The following CSMD1 variants were observed in gnomAD, a reference collection of about 807,000 sequenced individuals.
The protein encoded by CSMD1 is CUB and Sushi multiple domains 1, also known as CUB and sushi domain-containing protein 1.
CSMD1 carries 213 observed loss-of-function variants against 417.5 expected under a neutral mutation model. The ratio of observed to expected loss-of-function variants is 0.51; its 90% CI spans 0.46 to 0.57. The LOEUF (loss-of-function observed/expected upper bound fraction) is 0.57, where lower values mean the gene tolerates loss of function less well. Among genes scored for constraint, CSMD1 ranks in the 20% least tolerant of loss-of-function variants. The probability of loss-of-function intolerance (pLI) is 0.00; values close to 1 mark genes in which losing one functional copy is unlikely to be tolerated. For missense variants in CSMD1, 6,923 were observed against 4,529.7 expected, an observed-to-expected ratio of 1.53 and a Z score of -15.17; for synonymous variants, 2,862 against 1,736.8, an observed-to-expected ratio of 1.65 and a Z score of -16.11.
At chr8:4,085,194 G>A (rs1005747580) in intron 3 of CSMD1, among the ~76,000 whole-genome samples, 1 of 152,146 alleles carries the variant, frequency 6.6e-6, no homozygotes, top group African/African-American at 2.4e-5. Flanking sequence ...CACAGTGCCT[G>A]CAACTTCAGC....
At chr8:3,652,383 C>G (rs1353529545) in intron 7 of CSMD1, among the ~76,000 whole-genome samples, 1 of 152,224 alleles carries the variant, frequency 6.6e-6, no homozygotes, top group Non-Finnish European at 1.5e-5. Flanking sequence ...GAGCGCTTAG[C>G]ACCATCACAA....
At chr8:4,292,340 C>T (rs566034009) in intron 3 of CSMD1, among the ~76,000 whole-genome samples, 26 of 152,238 alleles carry the variant, frequency 1.7e-4, no homozygotes, top group Middle Eastern at 3.4e-3. Context: ...GCAACCTCTG[C>T]CTCCGGGGTT....
At chr8:4,260,189 T>C (rs1803776743) in intron 3 of CSMD1, among the ~76,000 whole-genome samples, 1 of 152,212 alleles carries the variant, frequency 6.6e-6, no homozygotes, top group South Asian at 2.1e-4. Context: ...TATTGATTAT[T>C]ATCAGGTGTT....
At chr8:3,853,243 C>G (rs1198927778) in intron 5 of CSMD1, among the ~76,000 whole-genome samples, 1 of 152,144 alleles carries the variant, frequency 6.6e-6, no homozygotes, top group East Asian at 1.9e-4. Context: ...TTTGGGGATT[C>G]ATTCCTGAGG....
At chr8:4,431,589 A>T (rs1014670211) in intron 2 of CSMD1, among the ~76,000 whole-genome samples, 5 of 152,156 alleles carry the variant, frequency 3.3e-5, no homozygotes, top group African/African-American at 9.7e-5. Flanking sequence ...CTCTGAGGCT[A>T]CCTCTTTGTG....
At chr8:4,075,400 GTTA>G (rs1199872188) in intron 3 of CSMD1, among the ~76,000 whole-genome samples, 1 of 151,966 alleles carries the variant, frequency 6.6e-6, no homozygotes, top group Non-Finnish European at 1.5e-5. Context: ...AAACTCAAAT[GTTA>G]TTTTTAATAT....
At position 4,137,205 on chromosome 8, in the gene CSMD1, A is replaced by G. The variant is rs535658538; in HGVS notation, c.416-105106T>C. Among the ~76,000 whole-genome samples the G allele has an allele frequency of 3.3e-5, 5 of 152,216 alleles. 1 individual carries two copies. The South Asian group carries it at 1.0e-3, about 31-fold the overall frequency. The stretch of plus-strand genomic sequence containing the variant: ...ATAGCATTAGCCTCATCTTGCCTGG[A>G]AACAGTTGCCTTTAATTAATTCTCC... On this transcript the variant is annotated intron_variant, in intron 3 of 69. Coordinates refer to ENST00000635120, the MANE Select transcript of CSMD1 (RefSeq NM_033225.6).
At chr8:3,762,544 G>C (rs564963785) in intron 5 of CSMD1, among the ~76,000 whole-genome samples, 63 of 152,352 alleles carry the variant, frequency 4.1e-4, no homozygotes, top group African/African-American at 1.4e-3. Context: ...CGAGTCTGTA[G>C]CACAGGCGTG....
intron 37 of CSMD1, among the ~76,000 whole-genome samples, chr8:3,171,487 AATG>A (rs569032917): frequency 2.6e-5 from 4 of 152,306 alleles, no homozygotes; most frequent in South Asian, 4.1e-4. Flanking sequence ...GGTTTTCATA[AATG>A]ATGAGTTGGT....
intron 7 of CSMD1, among the ~76,000 whole-genome samples, chr8:3,630,792 C>T (rs1796747252): frequency 6.6e-6 from 1 of 152,176 alleles, no homozygotes; most frequent in Non-Finnish European, 1.5e-5. Context: ...AATAGAAGAA[C>T]ACATCACGAT....
At chr8:3,301,590 A>G (rs1286115248) in intron 25 of CSMD1, among the ~76,000 whole-genome samples, 1 of 152,194 alleles carries the variant, frequency 6.6e-6, no homozygotes, top group Non-Finnish European at 1.5e-5. Flanking sequence ...GAAACTCAAG[A>G]CAGTGTGTGT....
At chr8:4,677,565 T>A (rs1805774956) in intron 1 of CSMD1, among the ~76,000 whole-genome samples, 3 of 152,216 alleles carry the variant, frequency 2.0e-5, no homozygotes, top group Admixed American at 2.0e-4. Context: ...ATACTCACTT[T>A]GATGCTTTCA....
rs1025449743 is a variant in CSMD1 at position 3,461,796 on chromosome 8, G to A, written c.1561+6916C>T. On this transcript the variant is annotated intron_variant, in intron 12 of 69. Transcript: ENST00000635120. ...GATTTATCCATGGGGACTCTCTTAC[G>A]TGTGATAGAACACGGACAAGTCTAG... Among the ~76,000 whole-genome samples the A allele has an allele frequency of 3.9e-5, 6 of 152,308 alleles. No homozygotes were observed. In the East Asian group the frequency reaches 5.8e-4, roughly 15 times the overall value.
In CSMD1 at chr8:3,564,548, T is replaced by TGTGTGTGTGC. The variant is rs1351897386; in HGVS notation, c.1344+10396_1344+10397insGCACACACAC. Among the ~76,000 whole-genome samples the TGTGTGTGTGC allele has an allele frequency of 4.7e-3, 720 of 152,046 alleles. 13 individuals are homozygous for TGTGTGTGTGC. The highest frequency in any genetic ancestry group is 0.017 in the African/African-American group (689 of 41,442). On this transcript the variant is annotated intron_variant, in intron 10 of 69. Coordinates refer to ENST00000635120, the MANE Select transcript of CSMD1 (RefSeq NM_033225.6). Reference sequence around the variant, plus strand: ...GTGTGTGTGTGTGTGTGTGTGTGTGTGTATAATACATGTTTGCAAGCAAAT... The same window carrying TGTGTGTGTGC: ...GTGTGTGTGTGTGTGTGTGTGTGTGTGTGTGTGTGCGTATAATACATGTTTGCAAGCAAAT...
intron 3 of CSMD1, among the ~76,000 whole-genome samples, chr8:4,415,759 G>A (rs1055988658): frequency 5.3e-5 from 8 of 152,188 alleles, no homozygotes; most frequent in East Asian, 1.9e-4. Context: ...ACTTGTGCAC[G>A]TATAAGTATG....
At chr8:3,785,703 G>A (rs537826729) in intron 5 of CSMD1, among the ~76,000 whole-genome samples, 3 of 152,148 alleles carry the variant, frequency 2.0e-5, no homozygotes, top group Non-Finnish European at 1.5e-5. Flanking sequence ...GAGGAGCCAC[G>A]TGCTACCAAG....
At chr8:4,531,014 T>C (rs553403749) in intron 2 of CSMD1, among the ~76,000 whole-genome samples, 1 of 152,078 alleles carries the variant, frequency 6.6e-6, no homozygotes, top group Non-Finnish European at 1.5e-5. Flanking sequence ...TGCCACCCCA[T>C]CCTCTCTGCC....
At chr8:4,239,015 G>C (rs924160568) in intron 3 of CSMD1, among the ~76,000 whole-genome samples, 4 of 152,100 alleles carry the variant, frequency 2.6e-5, no homozygotes, top group Non-Finnish European at 2.9e-5. Flanking sequence ...ACAGGATTAG[G>C]TTCGAAAATC....
At chr8:4,361,774 T>C (rs1801780374) in intron 3 of CSMD1, among the ~76,000 whole-genome samples, 1 of 152,002 alleles carries the variant, frequency 6.6e-6, no homozygotes, top group Non-Finnish European at 1.5e-5. Context: ...GCTAACACGG[T>C]GAAACCCCAT....
Sources: gnomAD v4.1 joint callset for allele counts (sites outside exome capture counted in the v4.1 genomes callset) on GRCh38, gnomAD v4.1.1 for gene constraint, MANE v1.5 for transcripts, NCBI Gene and HGNC (gene_info 2026-07-23, HGNC 2026-07-21) for gene names.